The following EFHC2 variants were observed in gnomAD, a reference collection of about 807,000 sequenced individuals.
The protein encoded by EFHC2 is EF-hand domain-containing family member C2.
EFHC2 carries 18 observed loss-of-function variants against 52.7 expected under a neutral mutation model. The observed-to-expected ratio is 0.34, with a 90% CI of 0.24 to 0.51. EFHC2 has a LOEUF of 0.51. Ranked by LOEUF, EFHC2 falls within the 20% of genes least tolerant of loss-of-function variation. The probability of loss-of-function intolerance (pLI) is 0.97; values close to 1 mark genes in which losing one functional copy is unlikely to be tolerated. For synonymous variants in EFHC2, 203 were observed against 204.1 expected, an observed-to-expected ratio of 0.99 and a Z score of 0.04; for missense variants, 513 against 562.5, an observed-to-expected ratio of 0.91 and a Z score of 0.89.
At chrX:44,203,048 C>T (rs1249792100) in intron 11 of EFHC2, among the ~76,000 whole-genome samples, 1 of 111,805 alleles carries the variant, frequency 8.9e-6, no homozygotes, top group African/African-American at 3.3e-5. Context: ...ACTGTTCACA[C>T]TTTTCCGGTG....
chrX:44,276,571 A>T (rs958740888), intron 2 of EFHC2, among the ~76,000 whole-genome samples: 3 of 112,569 alleles, frequency 2.7e-5, no homozygotes, highest in African/African-American at 9.7e-5. Flanking sequence ...AAGCCAAAAG[A>T]ATCTCAAAGC....
intron 1 of EFHC2, among the ~76,000 whole-genome samples, chrX:44,332,187 T>C (rs1381553870): frequency 1.8e-5 from 2 of 111,382 alleles, no homozygotes; most frequent in Non-Finnish European, 3.8e-5. Flanking sequence ...CGAAATGATA[T>C]GGAAATAGTC....
chrX:44,252,380 C>T (rs1021621762), intron 4 of EFHC2, among the ~76,000 whole-genome samples: 12 of 111,809 alleles, frequency 1.1e-4, no homozygotes, highest in African/African-American at 3.6e-4. Context: ...TTCTATCTGT[C>T]GAGGGCAGTC....
chrX:44,275,877 G>A (rs1227602670), intron 2 of EFHC2, among the ~76,000 whole-genome samples: 7 of 105,226 alleles, frequency 6.7e-5, no homozygotes, highest in Non-Finnish European at 1.2e-4. Context: ...TGGTGCCACT[G>A]CACTCCAGCC....
At chrX:44,165,114 G>C (rs2036686153) in intron 13 of EFHC2, among the ~76,000 whole-genome samples, 2 of 111,461 alleles carry the variant, frequency 1.8e-5, no homozygotes. Context: ...CATTGTTCCA[G>C]GCACCCTATT....
intron 2 of EFHC2, among the ~76,000 whole-genome samples, chrX:44,280,645 G>A (rs2037694988): frequency 8.9e-6 from 1 of 112,050 alleles, no homozygotes; most frequent in Admixed American, 9.5e-5. Context: ...AAAGATTTCA[G>A]TACAACCATA....
chrX:44,209,952 A>G (rs946997624), intron 11 of EFHC2, among the ~76,000 whole-genome samples: 4 of 110,598 alleles, frequency 3.6e-5, no homozygotes, highest in African/African-American at 1.3e-4. Flanking sequence ...CATCACTCCC[A>G]GATGGGACCC....
chrX:44,290,470 A>G (rs1216116684), intron 2 of EFHC2, among the ~76,000 whole-genome samples: 2 of 106,982 alleles, frequency 1.9e-5, no homozygotes, highest in Non-Finnish European at 3.8e-5. Context: ...CTTGAATACT[A>G]TGTTCTCCAT....
intron 4 of EFHC2, among the ~76,000 whole-genome samples, chrX:44,257,780 A>T (rs1022279255): frequency 2.7e-5 from 3 of 112,072 alleles, no homozygotes; most frequent in Admixed American, 9.5e-5. Flanking sequence ...TTAGAAAAAA[A>T]CTACTTTACA....
chrX:44,342,242 GA>G (rs1386093659), intron 1 of EFHC2, among the ~76,000 whole-genome samples: 1 of 112,138 alleles, frequency 8.9e-6, no homozygotes, highest in Admixed American at 9.5e-5. Flanking sequence ...AAGCTACAAA[GA>G]AAAAACTTGT....
At chrX:44,200,369 G>A (rs1336820380) in intron 11 of EFHC2, among the ~76,000 whole-genome samples, 2 of 110,846 alleles carry the variant, frequency 1.8e-5, no homozygotes, top group Non-Finnish European at 3.8e-5. Flanking sequence ...TGGGACAATA[G>A]AACAAAAATC....
chrX:44,262,529 A>AG (rs2037548143), intron 3 of EFHC2, among the ~76,000 whole-genome samples: 4 of 104,616 alleles, frequency 3.8e-5, no homozygotes, highest in African/African-American at 1.4e-4. Context: ...AAAAAAAAAA[A>AG]AAAAAAGAAA....
At chrX:44,162,159 G>A (rs1201682364) in intron 14 of EFHC2, among the ~76,000 whole-genome samples, 1 of 111,782 alleles carries the variant, frequency 8.9e-6, no homozygotes, top group African/African-American at 3.3e-5. Context: ...GTGGTGGCTC[G>A]TGTCTGTAAT....
At chrX:44,303,244 C>A (rs1256187877) in intron 2 of EFHC2, among the ~76,000 whole-genome samples, 1 of 111,090 alleles carries the variant, frequency 9.0e-6, no homozygotes, top group African/African-American at 3.3e-5. Context: ...GTGACCGTGA[C>A]GGATCAAGAC....
At position 44,147,927 on chromosome X, in the gene EFHC2, T is replaced by C. The variant is rs1292601386; in HGVS notation, c.*868A>G. The C allele has an allele frequency of 9.1e-6, 1 of 110,426 alleles. No homozygotes were observed. Among genetic ancestry groups the C allele is most frequent in the Non-Finnish European group, 1.9e-5 (1 of 52,868 alleles). The allele number at this position is 110,426 out of a possible 1,213,427, so 9.1% of individuals were successfully genotyped here. ...TCAAATGTACACTACATGACAAGAGTTCTGCTGAAGAAAAATAAAAATAGA... is the reference window on the plus strand; with the variant it reads ...TCAAATGTACACTACATGACAAGAGCTCTGCTGAAGAAAAATAAAAATAGA... On this transcript the variant is annotated 3_prime_UTR_variant, in exon 15 of 15. Coordinates refer to ENST00000420999, the MANE Select transcript of EFHC2 (RefSeq NM_025184.4).
intron 11 of EFHC2, among the ~76,000 whole-genome samples, chrX:44,209,934 C>T (rs948276390): frequency 8.1e-5 from 9 of 110,611 alleles, no homozygotes; most frequent in Non-Finnish European, 1.7e-4. Flanking sequence ...TGATTTGTTA[C>T]TGACTCCCAT....
chrX:44,223,581 C>G lies in EFHC2; in HGVS notation c.1751+6068G>C, dbSNP rs974961366. The stretch of plus-strand genomic sequence containing the variant: ...CCCTCACCAATACAAACACCACCAC[C>G]AGACAGTGACAGAATCAAATCAAAG... On this transcript the variant is annotated intron_variant, in intron 11 of 14. Coordinates refer to ENST00000420999, the MANE Select transcript of EFHC2 (RefSeq NM_025184.4). Among the ~76,000 whole-genome samples the G allele has an allele frequency of 2.7e-5, 3 of 111,345 alleles. No homozygotes were observed. In the South Asian group the frequency reaches 1.1e-3, roughly 42 times the overall value.
chrX:44,275,913 CAAAA>C (rs766678057), intron 2 of EFHC2, among the ~76,000 whole-genome samples: 1 of 60,550 alleles, frequency 1.7e-5, no homozygotes. Context: ...GACGCCATCT[CAAAA>C]AAAAAAAAAA....
intron 11 of EFHC2, among the ~76,000 whole-genome samples, chrX:44,223,299 G>C (rs1341544403): frequency 1.8e-5 from 2 of 112,435 alleles, no homozygotes; most frequent in Non-Finnish European, 3.8e-5. Context: ...CAGAAATAGT[G>C]GTAGTTATGG....
Sources: allele counts gnomAD v4.1 joint callset (sites outside exome capture counted in the v4.1 genomes callset), GRCh38; gene constraint gnomAD v4.1.1; transcripts MANE v1.5; gene names NCBI Gene and HGNC (gene_info 2026-07-23, HGNC 2026-07-21).